Variants in MED13L observed in about 807,000 individuals in gnomAD.
MED13L encodes the protein mediator complex subunit 13L.
A neutral mutation model predicts 220.9 loss-of-function variants in MED13L; 7 were observed. That is an observed-to-expected ratio of 0.03 (90% CI 0.02 to 0.06). MED13L has a LOEUF of 0.06. Ranked by LOEUF, MED13L falls within the 10% of genes least tolerant of loss-of-function variation. The pLI is 1.00. For missense variants in MED13L, 1,965 were observed against 2,760.5 expected (o/e 0.71, Z 6.46); for synonymous variants, 1,011 against 1,015.2 (o/e 1.00, Z 0.08).
At position 116,245,790 on chromosome 12, in the gene MED13L, G is replaced by A. The variant is rs1201279019; in HGVS notation, c.73-8085C>T. 3.9e-5 allele frequency among the ~76,000 whole-genome samples: 6 copies of A among 152,242 alleles called. No individual in the cohort carries two copies. In the South Asian group the frequency reaches 1.0e-3, roughly 26 times the overall value. On this transcript the variant is annotated intron_variant, in intron 1 of 30. Coordinates refer to ENST00000281928, the MANE Select transcript of MED13L (RefSeq NM_015335.5). ...AAGCTGAAAATCCAAATACGAGGAAGCTGAAATCCAAATACAAGAGCTTTC... is the reference window on the plus strand; with the variant it reads ...AAGCTGAAAATCCAAATACGAGGAAACTGAAATCCAAATACAAGAGCTTTC...
At chr12:116,219,746 A>G (rs949618836) in intron 2 of MED13L, among the ~76,000 whole-genome samples, 29 of 152,150 alleles carry the variant, frequency 1.9e-4, no homozygotes, top group African/African-American at 7.0e-4. Flanking sequence ...GCCAAAAGCC[A>G]TTTTTAAAGA....
At chr12:116,077,656 C>T (rs1013107978) in intron 4 of MED13L, among the ~76,000 whole-genome samples, 11 of 152,124 alleles carry the variant, frequency 7.2e-5, no homozygotes, top group African/African-American at 2.7e-4. Flanking sequence ...TGGAAATGAA[C>T]TGGTAATAGG....
chr12:116,052,104 T>C (rs200534313), intron 4 of MED13L, among the ~76,000 whole-genome samples: 128 of 141,548 alleles, frequency 9.0e-4, no homozygotes, highest in Non-Finnish European at 1.4e-3. Context: ...CACACACACA[T>C]AAAACTATAT....
At chr12:116,098,478 C>A (rs561793935) in intron 3 of MED13L, among the ~76,000 whole-genome samples, 7 of 152,234 alleles carry the variant, frequency 4.6e-5, no homozygotes, top group Non-Finnish European at 1.0e-4. Flanking sequence ...CATATTGAGG[C>A]AATTCTGCAC....
At chr12:116,250,995 G>T (rs990472057) in intron 1 of MED13L, among the ~76,000 whole-genome samples, 6 of 151,710 alleles carry the variant, frequency 4.0e-5, no homozygotes, top group African/African-American at 1.5e-4. Flanking sequence ...AAGGTAAGCT[G>T]TGGTAAGTAA....
intron 5 of MED13L, among the ~76,000 whole-genome samples, chr12:116,022,032 T>C (rs141271025): frequency 1.2e-4 from 19 of 152,324 alleles, no homozygotes; most frequent in African/African-American, 3.6e-4. Context: ...TTGATTCTGA[T>C]AGAAATTTCA....
intron 2 of MED13L, among the ~76,000 whole-genome samples, chr12:116,116,532 T>C (rs967872059): frequency 1.3e-5 from 2 of 151,962 alleles, no homozygotes; most frequent in African/African-American, 4.8e-5. Context: ...TAAACATAAG[T>C]AAAGTTTTCC....
At chr12:115,966,350 G>T in intron 28 of MED13L, 107 bp from the exon 29 acceptor site, 1 of 1,286,156 alleles carries the variant, frequency 7.8e-7, no homozygotes, top group Non-Finnish European at 1.1e-6. Flanking sequence ...CCCCTTTGTG[G>T]CAGCATCTCA....
chr12:116,093,684 ATG>A (rs1872433519), intron 4 of MED13L, among the ~76,000 whole-genome samples: 1 of 152,026 alleles, frequency 6.6e-6, no homozygotes, highest in Admixed American at 6.6e-5. Flanking sequence ...TACTATCTAT[ATG>A]CTAAGATTAT....
chr12:116,191,860 G>C (rs886856486), intron 2 of MED13L, among the ~76,000 whole-genome samples: 3 of 151,804 alleles, frequency 2.0e-5, no homozygotes, highest in African/African-American at 7.3e-5. Flanking sequence ...TAATTAAAAA[G>C]TACTATAGCA....
intron 2 of MED13L, among the ~76,000 whole-genome samples, chr12:116,209,159 T>C (rs1882536476): frequency 6.6e-6 from 1 of 152,192 alleles, no homozygotes; most frequent in African/African-American, 2.4e-5. Context: ...AAATCATCAA[T>C]GATTATGAGG....
chr12:116,096,948 C>T (rs371534514), intron 3 of MED13L, among the ~76,000 whole-genome samples, 196 bp from the exon 4 acceptor site: 1 of 152,130 alleles, frequency 6.6e-6, no homozygotes, highest in African/African-American at 2.4e-5. Flanking sequence ...GATTCTTATG[C>T]CCACGTAAAA....
At chr12:116,262,787 T>C (rs1872599796) in intron 1 of MED13L, among the ~76,000 whole-genome samples, 1 of 152,236 alleles carries the variant, frequency 6.6e-6, no homozygotes, top group Non-Finnish European at 1.5e-5. Flanking sequence ...TTATAGGATC[T>C]TGCAGATTCA....
chr12:116,017,576 A>C (rs960464558), intron 7 of MED13L, among the ~76,000 whole-genome samples: 1 of 152,226 alleles, frequency 6.6e-6, no homozygotes, highest in Non-Finnish European at 1.5e-5. Context: ...TTTCACAAGG[A>C]ATCATCCAAA....
rs376187270 is a variant in MED13L at position 116,008,780 on chromosome 12, T to C, written c.1633A>G (p.Met545Val). 40 of 1,613,856 alleles carry C rather than the reference T, an allele frequency of 2.5e-5. No individual in the cohort carries two copies. The highest frequency in any genetic ancestry group is 3.0e-5 in the Non-Finnish European group (35 of 1,179,976). Residue 545 changes from methionine (M) to valine (V), a missense_variant, in exon 10 of 31, where the codon ATG (methionine) becomes GTG (valine). Transcript: ENST00000281928. The stretch of plus-strand genomic sequence containing the variant: ...GATATAGGGGAATGAGGTGAATCCA[T>C]AGGATTCAGATTCATTTGCTTGCTT... ...NTSKQMNLNP[M>V]DSPHSPISPL...
intron 2 of MED13L, among the ~76,000 whole-genome samples, chr12:116,165,835 G>T (rs1879223913): frequency 6.6e-6 from 1 of 152,026 alleles, no homozygotes; most frequent in Non-Finnish European, 1.5e-5. Flanking sequence ...CCCTTTTGTG[G>T]CTACACTATG....
At chr12:116,006,014 G>A in intron 12 of MED13L, 21 bp from the exon 13 acceptor site, 1 of 1,612,940 alleles carries the variant, frequency 6.2e-7, no homozygotes, top group South Asian at 1.1e-5. Flanking sequence ...GGAGGCAAAA[G>A]ACACAGAATA....
intron 4 of MED13L, among the ~76,000 whole-genome samples, chr12:116,055,584 T>A (rs935339718): frequency 6.6e-6 from 1 of 152,136 alleles, no homozygotes; most frequent in African/African-American, 2.4e-5. Context: ...ATTTCATAGC[T>A]GGGAAGGCCT....
chr12:116,236,886 G>A (rs1870131692), intron 2 of MED13L: 61 of 984,756 alleles, frequency 6.2e-5, no homozygotes, highest in Non-Finnish European at 7.2e-5. Flanking sequence ...CGGAGCCAAT[G>A]TTTCCTGGAA....
Sources: allele counts gnomAD v4.1 joint callset (sites outside exome capture counted in the v4.1 genomes callset), GRCh38; gene constraint gnomAD v4.1.1; transcripts MANE v1.5; gene names NCBI Gene and HGNC (gene_info 2026-07-23, HGNC 2026-07-21).